Variants in MYO7A observed in about 807,000 individuals in gnomAD.
The protein encoded by MYO7A is myosin VIIA.
Under a neutral mutation model 263.8 loss-of-function variants are expected in MYO7A, and 210 were observed. That is an observed-to-expected ratio of 0.80 (90% CI 0.71 to 0.89). MYO7A has a LOEUF of 0.89. Among genes scored for constraint, MYO7A ranks in the 40% least tolerant of loss-of-function variants. The pLI is 0.00. For synonymous variants in MYO7A, 1,239 were observed against 1,197.3 expected (o/e 1.03, Z -0.72); for missense variants, 2,820 against 2,968.3 (o/e 0.95, Z 1.16).
Position 77,177,002 on chromosome 11 carries a change from A to C in MYO7A, c.2188-547A>C, listed in dbSNP as rs868916941. 1.4e-4 allele frequency among the ~76,000 whole-genome samples: 22 copies of C among 152,290 alleles called. 1 individual carries two copies. Among genetic ancestry groups the C allele is most frequent in the Middle Eastern group, 3.4e-3 (1 of 294 alleles). ...ACACCCTGGATCATGGGTGGCCTTGAATGCCAGGGTGAGGAACCCAGGCTC... is the reference window on the plus strand; with the variant it reads ...ACACCCTGGATCATGGGTGGCCTTGCATGCCAGGGTGAGGAACCCAGGCTC... On this transcript the variant is annotated intron_variant, in intron 18 of 48. Transcript: ENST00000409709.
intron 26 of MYO7A, among the ~76,000 whole-genome samples, chr11:77,183,544 T>A (rs935580553): frequency 1.4e-4 from 21 of 152,306 alleles, no homozygotes; most frequent in African/African-American, 5.1e-4. Context: ...ATGAACAGGA[T>A]TAATTTATTT....
At chr11:77,206,935 C>G in intron 41 of MYO7A, 1 of 193,416 alleles carries the variant, frequency 5.2e-6, no homozygotes, top group Middle Eastern at 2.0e-3. Context: ...CTGCTTTCCC[C>G]TCCGCTTTTG....
chr11:77,182,087 C>CTTCCA lies in MYO7A; in HGVS notation c.3041_3042insTTCCA (p.His1015SerfsTer49), dbSNP rs1955275788. The CTTCCA allele has an allele frequency of 6.2e-7, 1 of 1,613,280 alleles. No homozygotes were observed. The highest frequency in any genetic ancestry group is 8.5e-7 in the Non-Finnish European group (1 of 1,179,844). ...GCCACCTACTTCCAGGGGACAACCA[C>CTTCCA]GCACTCCTACACCCGGCGGCCACTC... On this transcript the variant is annotated frameshift_variant, in exon 24 of 49. Coordinates refer to ENST00000409709, the MANE Select transcript of MYO7A (RefSeq NM_000260.4). LOFTEE classifies it high-confidence loss of function.
At position 77,190,768 on chromosome 11, in the gene MYO7A, G is replaced by A. The variant is rs774694978; in HGVS notation, c.3822G>A (p.Thr1274=). The A allele has an allele frequency of 6.3e-6, 10 of 1,599,082 alleles. No homozygotes were observed. The highest frequency in any genetic ancestry group is 1.7e-5 in the Admixed American group (1 of 58,082). Residue 1274 remains threonine (T), a synonymous_variant, in exon 30 of 49, where the codon ACG becomes ACA. Transcript: ENST00000409709. ...ATGGGACCACCAAGACCCTGCTGACGGACTCGGCAACCACGGCCAAGGAGC... is the reference window on the plus strand; with the variant it reads ...ATGGGACCACCAAGACCCTGCTGACAGACTCGGCAACCACGGCCAAGGAGC... The part of the protein sequence containing the change: ...FMDGTTKTLL[T]DSATTAKELC...
intron 3 of MYO7A, among the ~76,000 whole-genome samples, chr11:77,147,567 C>A (rs1479588121): frequency 6.6e-6 from 1 of 152,182 alleles, no homozygotes; most frequent in Admixed American, 6.5e-5. Context: ...CTGCCCACCT[C>A]TTAGGTCTGC....
chr11:77,147,854 G>A lies in MYO7A; in HGVS notation c.189G>A (p.Ser63=). 1 of 1,608,666 alleles carries A rather than the reference G, an allele frequency of 6.2e-7. No homozygotes were observed. Among genetic ancestry groups the A allele is most frequent in the Non-Finnish European group, 8.5e-7 (1 of 1,178,232 alleles). ...ACATCAAGCCTATGCACCCCACGTC[G>A]GTCCACGGCGTGGAGGACATGATCC... ...ATHIKPMHPT[S]VHGVEDMIRL... is the part of the protein sequence containing the mutation. Residue 63 remains serine (S), a synonymous_variant, in exon 4 of 49, where the codon TCG becomes TCA. Coordinates refer to ENST00000409709, the MANE Select transcript of MYO7A (RefSeq NM_000260.4).
intron 2 of MYO7A, among the ~76,000 whole-genome samples, chr11:77,133,296 G>A (rs1187502646): frequency 6.6e-6 from 1 of 152,150 alleles, no homozygotes; most frequent in East Asian, 1.9e-4. Flanking sequence ...ACATCTTTAA[G>A]GACCACAAGG....
chr11:77,172,638 C>G, intron 15 of MYO7A, 110 bp from the exon 16 acceptor site: 1 of 1,401,040 alleles, frequency 7.1e-7, no homozygotes, highest in East Asian at 2.5e-5. Context: ...CCGCCCTGTC[C>G]CTCAAACCCT....
intron 37 of MYO7A, among the ~76,000 whole-genome samples, 146 bp from the exon 38 acceptor site, chr11:77,202,907 GGGTCACA>G (rs1281011044): frequency 1.3e-5 from 2 of 151,738 alleles, no homozygotes; most frequent in Non-Finnish European, 1.5e-5. Flanking sequence ...GACTCGCCTC[GGGTCACA>G]TGCAGGGCAG....
intron 23 of MYO7A, 60 bp from the exon 24 acceptor site, chr11:77,181,891 C>T: frequency 6.7e-7 from 1 of 1,501,544 alleles, no homozygotes; most frequent in Non-Finnish European, 9.2e-7. Flanking sequence ...CTCAGGCGAT[C>T]CTCCCACCTG....
At chr11:77,172,662 T>A (rs1223375217) in intron 15 of MYO7A, 86 bp from the exon 16 acceptor site, 8 of 1,516,632 alleles carry the variant, frequency 5.3e-6, no homozygotes, top group Admixed American at 4.0e-5. Context: ...CCCGCTGACC[T>A]CCCCTCCCGC....
At position 77,180,375 on chromosome 11, in the gene MYO7A, A is replaced by G; in HGVS notation, c.2588A>G (p.Tyr863Cys). 6.2e-7 allele frequency: 1 copy of G among 1,612,038 alleles called. No individual in the cohort carries two copies. The highest frequency in any genetic ancestry group is 1.1e-5 in the South Asian group (1 of 90,756). ...RRLHQRLRAE[Y>C]LWRLEAEKMR... is the part of the protein sequence containing the mutation. ...CCTCTGGATGCCCCCTTCCCTCAGT[A>G]TCTGTGGCGCCTCGAGGCTGAGAAA... The change falls in exon 22 of 49, where the codon TAT (tyrosine) becomes TGT (cysteine). Residue 863 changes from tyrosine (Y) to cysteine (C), a missense_variant and splice_region_variant. By Grantham distance (194) the Tyr-to-Cys change is radical. Coordinates refer to ENST00000409709, the MANE Select transcript of MYO7A (RefSeq NM_000260.4).
chr11:77,166,204 C>A (rs374669055), intron 15 of MYO7A, 42 bp downstream of exon 15: 2 of 1,545,464 alleles, frequency 1.3e-6, no homozygotes, highest in South Asian at 1.1e-5. Flanking sequence ...AGGGCCCCCA[C>A]GGGCCAGGCC....
At chr11:77,185,688 T>C (rs987125449) in intron 27 of MYO7A, among the ~76,000 whole-genome samples, 10 of 152,242 alleles carry the variant, frequency 6.6e-5, no homozygotes, top group African/African-American at 9.6e-5. Flanking sequence ...TTTGACCTCC[T>C]TCTACGAATC....
intron 2 of MYO7A, among the ~76,000 whole-genome samples, chr11:77,131,415 CGT>C (rs782627826): frequency 6.6e-6 from 1 of 152,098 alleles, no homozygotes; most frequent in Non-Finnish European, 1.5e-5. Context: ...AGTGCGTGCG[CGT>C]GTGTGTGTCT....
At chr11:77,170,212 C>T (rs1591326886) in intron 15 of MYO7A, among the ~76,000 whole-genome samples, 2 of 152,004 alleles carry the variant, frequency 1.3e-5, no homozygotes, top group African/African-American at 2.4e-5. Flanking sequence ...GTGGTGGGTG[C>T]GGTCAGGAAA....
intron 41 of MYO7A, 53 bp downstream of exon 41, chr11:77,206,255 C>A: frequency 7.1e-7 from 1 of 1,405,372 alleles, no homozygotes. Flanking sequence ...GCCGGGCTTC[C>A]TGGGTGGACA....
intron 32 of MYO7A, among the ~76,000 whole-genome samples, chr11:77,196,170 G>A (rs1591445078): frequency 6.6e-6 from 1 of 152,174 alleles, no homozygotes; most frequent in Admixed American, 6.5e-5. Flanking sequence ...AGTTTGAGAC[G>A]AGCCTGGCCA....
chr11:77,204,333 T>C, intron 39 of MYO7A, 104 bp downstream of exon 39: 1 of 1,450,118 alleles, frequency 6.9e-7, no homozygotes, highest in Admixed American at 2.0e-5. Flanking sequence ...ATGCAGTCCT[T>C]CCTCACACAG....
Sources: gnomAD v4.1 joint callset for allele counts (sites outside exome capture counted in the v4.1 genomes callset) on GRCh38, gnomAD v4.1.1 for gene constraint, MANE v1.5 for transcripts, NCBI Gene and HGNC (gene_info 2026-07-23, HGNC 2026-07-21) for gene names.